DOCK1: variants seen among roughly 807,000 people sequenced by gnomAD.
The protein encoded by DOCK1 is dedicator of cytokinesis protein 1.
A neutral mutation model predicts 262.7 loss-of-function variants in DOCK1; 138 were observed. The ratio of observed to expected loss-of-function variants is 0.53; its 90% CI spans 0.46 to 0.61. DOCK1 has a LOEUF of 0.61. Among genes scored for constraint, DOCK1 ranks in the 20% least tolerant of loss-of-function variants. The pLI is 0.00. For missense variants in DOCK1, 1,908 were observed against 2,370.7 expected (o/e 0.80, Z 4.05); for synonymous variants, 866 against 867.4 (o/e 1.00, Z 0.03).
chr10:127,134,452 T>A (rs2050525858), intron 27 of DOCK1, among the ~76,000 whole-genome samples: 1 of 152,170 alleles, frequency 6.6e-6, no homozygotes, highest in Non-Finnish European at 1.5e-5. Flanking sequence ...TTTCCCATAC[T>A]TTGAGCCCCT....
chr10:127,141,686 A>C (rs572448752), intron 27 of DOCK1, among the ~76,000 whole-genome samples: 50 of 152,216 alleles, frequency 3.3e-4, no homozygotes, highest in African/African-American at 9.1e-4. Flanking sequence ...CAAAAAAAAA[A>C]AAAAAGCAAA....
At chr10:127,135,099 A>C (rs1317625970) in intron 27 of DOCK1, among the ~76,000 whole-genome samples, 2 of 152,120 alleles carry the variant, frequency 1.3e-5, no homozygotes, top group African/African-American at 4.8e-5. Flanking sequence ...GGCAACACTC[A>C]ATGTATTTAG....
Position 127,175,098 on chromosome 10 carries a change from C to T in DOCK1, c.2847+47334C>T. On this transcript the variant is annotated intron_variant, in intron 27 of 51. Coordinates refer to ENST00000623213, the MANE Select transcript of DOCK1 (RefSeq NM_001290223.2). The surrounding 1 kb of genome is among the most constrained non-coding windows in gnomAD (Gnocchi z 6.3). ...GCTCGCCACGCCCTTAGACTATGAC[C>T]TGTTTACGGAAATGCTGGCTTTAGT... The T allele has an allele frequency of 6.6e-6, 6 of 908,896 alleles. No individual in the cohort carries two copies. Among genetic ancestry groups the T allele is most frequent in the Non-Finnish European group, 1.0e-5 (6 of 578,978 alleles). The allele number at this position is 908,896 out of a possible 1,614,324, so 56.3% of individuals were successfully genotyped here. A position where few individuals can be genotyped will look rare whatever the true frequency, so the allele number is the denominator to read the frequency against.
intron 1 of DOCK1, among the ~76,000 whole-genome samples, chr10:126,920,748 C>G (rs1163433548): frequency 6.6e-6 from 1 of 152,240 alleles, no homozygotes; most frequent in Non-Finnish European, 1.5e-5. Flanking sequence ...GAACTACCAT[C>G]TGACCCAGTG....
In DOCK1 at chr10:127,433,427, G is replaced by T. The variant is rs1206625898; in HGVS notation, c.5059G>T (p.Gly1687Trp). 4 of 1,613,702 alleles carry T rather than the reference G, an allele frequency of 2.5e-6. No individual in the cohort carries two copies. Among genetic ancestry groups the T allele is most frequent in the Non-Finnish European group, 3.4e-6 (4 of 1,179,848 alleles). The change falls in exon 48 of 52, where the codon GGG becomes TGG. Residue 1687 changes from glycine (G) to tryptophan (W), a missense_variant and splice_region_variant. Physicochemically the swap from Gly to Trp is radical, Grantham distance 184. This residue lies in a region of DOCK1 where 383 missense variants were observed against 420.1 expected (regional missense o/e 0.91). Coordinates refer to ENST00000623213, the MANE Select transcript of DOCK1 (RefSeq NM_001290223.2). ...DSTPSRPGSD[G>W]FALEPLLPKK... The stretch of plus-strand genomic sequence containing the variant: ...CACCCCTTCCAGACCAGGCTCCGAC[G>T]GGTGAGTCAAGCTCACAGCAGGGCT...
At chr10:127,137,218 C>G (rs377730813) in intron 27 of DOCK1, 1 of 152,528 alleles carries the variant, frequency 6.6e-6, no homozygotes, top group Non-Finnish European at 1.5e-5. Context: ...TTTGAGGTGT[C>G]GTTGTGACAC....
chr10:126,958,673 A>G (rs2036946571), intron 1 of DOCK1, among the ~76,000 whole-genome samples: 1 of 152,158 alleles, frequency 6.6e-6, no homozygotes, highest in Non-Finnish European at 1.5e-5. Flanking sequence ...TATGTGCCAC[A>G]GGGCTCTATG....
At chr10:127,300,396 A>T (rs957205721) in intron 29 of DOCK1, among the ~76,000 whole-genome samples, 4 of 152,152 alleles carry the variant, frequency 2.6e-5, no homozygotes, top group African/African-American at 4.8e-5. Context: ...GGGCTTAGAC[A>T]ATGATGGCCA....
intron 29 of DOCK1, among the ~76,000 whole-genome samples, chr10:127,306,567 G>A (rs759026502): frequency 2.0e-5 from 3 of 152,150 alleles, no homozygotes; most frequent in Non-Finnish European, 2.9e-5. Context: ...CTCTCGGGTC[G>A]CTGGGAGATT....
chr10:127,424,877 T>C (rs2068723702), intron 46 of DOCK1, among the ~76,000 whole-genome samples: 1 of 152,192 alleles, frequency 6.6e-6, no homozygotes, highest in East Asian at 1.9e-4. Flanking sequence ...AGGAGGGCTA[T>C]GAGCGAGGAG....
At chr10:127,290,207 A>T (rs1211578372) in intron 29 of DOCK1, among the ~76,000 whole-genome samples, 1 of 152,096 alleles carries the variant, frequency 6.6e-6, no homozygotes, top group Admixed American at 6.5e-5. Context: ...TCCTGAAATG[A>T]ATGCTGTAGA....
Position 127,419,596 on chromosome 10 carries a change from A to G in DOCK1, c.4693-70A>G, listed in dbSNP as rs552507028. 20 of 1,430,764 alleles carry G rather than the reference A, an allele frequency of 1.4e-5. No individual in the cohort carries two copies. The African/African-American group carries it at 2.4e-4, about 17-fold the overall frequency. 88.6% of individuals were successfully genotyped at this position (1,430,764 alleles called of 1,614,324 possible). On this transcript the variant is annotated intron_variant, in intron 45 of 51. Transcript: ENST00000623213. ...CACAGCTCTATTCTCAGGGCCTGGC[A>G]CACAGTAAGTGTGCAAAAACCTGTG...
intron 20 of DOCK1, among the ~76,000 whole-genome samples, 166 bp downstream of exon 20, chr10:127,042,880 T>TA (rs1472618703): frequency 1.3e-5 from 2 of 152,186 alleles, no homozygotes; most frequent in Non-Finnish European, 2.9e-5. Flanking sequence ...CTCTTTTTTT[T>TA]AAATGTAAAA....
chr10:127,399,311 A>G (rs988172804), intron 38 of DOCK1, among the ~76,000 whole-genome samples: 1 of 152,164 alleles, frequency 6.6e-6, no homozygotes, highest in African/African-American at 2.4e-5. Context: ...TGATTCTTTC[A>G]CTGAGATAAT....
chr10:127,392,124 C>T (rs975263300), intron 38 of DOCK1, among the ~76,000 whole-genome samples: 1 of 151,840 alleles, frequency 6.6e-6, no homozygotes, highest in African/African-American at 2.4e-5. Flanking sequence ...GCTGCTGTCT[C>T]GTGTGACGGC....
At chr10:127,098,121 T>G (rs1222910977) in intron 23 of DOCK1, among the ~76,000 whole-genome samples, 1 of 152,260 alleles carries the variant, frequency 6.6e-6, no homozygotes, top group Non-Finnish European at 1.5e-5. Flanking sequence ...GCTGAGGGAC[T>G]GGCATCCTGG....
Position 126,953,444 on chromosome 10 carries a change from G to A in DOCK1, c.47-17258G>A, listed in dbSNP as rs1053770157. On this transcript the variant is annotated intron_variant, in intron 1 of 51. Coordinates refer to ENST00000623213, the MANE Select transcript of DOCK1 (RefSeq NM_001290223.2). ...TAGTATTGTTATCGGTGGTGATGGC[G>A]GTGGAGGTGGTGATGGCAGTGGAGG... is the stretch of plus-strand genomic sequence containing the variant. Among the ~76,000 whole-genome samples, 801 of 151,878 alleles carry A rather than the reference G, an allele frequency of 5.3e-3. 10 individuals carry two copies. Among genetic ancestry groups the A allele is most frequent in the African/African-American group, 0.018 (754 of 41,432 alleles).
intron 38 of DOCK1, among the ~76,000 whole-genome samples, chr10:127,399,660 A>G (rs746578173): frequency 8.6e-5 from 13 of 151,984 alleles, no homozygotes; most frequent in Non-Finnish European, 1.9e-4. Context: ...AAAACAGATT[A>G]GGCTTTTACT....
At chr10:127,261,863 G>GGTGT (rs1371402510) in intron 29 of DOCK1, among the ~76,000 whole-genome samples, 1 of 113,180 alleles carries the variant, frequency 8.8e-6, no homozygotes, top group African/African-American at 3.5e-5. Flanking sequence ...CCTGCATGTG[G>GGTGT]GTGTGCGTGT....
Sources: gnomAD v4.1 joint callset for allele counts (sites outside exome capture counted in the v4.1 genomes callset) on GRCh38, gnomAD v4.1.1 for gene constraint, gnomAD v4.1.1 regional missense constraint, Gnocchi (gnomAD v3.1) non-coding constraint, MANE v1.5 for transcripts, NCBI Gene and HGNC (gene_info 2026-07-23, HGNC 2026-07-21) for gene names.